Variants in ROBO2 observed in about 807,000 individuals in gnomAD.
The protein encoded by ROBO2 is roundabout homolog 2.
In ROBO2, 53 loss-of-function variants were observed where a neutral mutation model predicts 160.8. That is an observed-to-expected ratio of 0.33 (90% confidence interval 0.26 to 0.41). The LOEUF is 0.41. ROBO2 is among the 10% of genes least tolerant of loss of function. The pLI, the probability that ROBO2 is intolerant of heterozygous loss-of-function variation, is 1.00. For synonymous variants in ROBO2, 664 were observed against 611.7 expected, an observed-to-expected ratio of 1.09 and a Z score of -1.26; for missense variants, 1,577 against 1,722.4, an observed-to-expected ratio of 0.92 and a Z score of 1.49.
At chr3:75,981,926 C>CCCTTT (rs1188194216) in intron 2 of ROBO2, among the ~76,000 whole-genome samples, 1 of 151,458 alleles carries the variant, frequency 6.6e-6, no homozygotes, top group African/African-American at 2.4e-5. Context: ...AAACCCCCTA[C>CCCTTT]CCTTCCCAGC....
In ROBO2 at chr3:77,104,682, T is replaced by C. The variant is rs141547709; in HGVS notation, c.388+6342T>C. Among the ~76,000 whole-genome samples, 439 of 152,192 alleles carry C rather than the reference T, an allele frequency of 2.9e-3. 3 individuals are homozygous for C. Among genetic ancestry groups the C allele is most frequent in the African/African-American group, 0.01 (424 of 41,530 alleles). Reference sequence around the variant, plus strand: ...ATTATTAAGTGTAGATTAAATGATATTTACTGGTGCATTGAAGTAACTGTA... The same window carrying C: ...ATTATTAAGTGTAGATTAAATGATACTTACTGGTGCATTGAAGTAACTGTA... On this transcript the variant is annotated intron_variant, in intron 2 of 25. Transcript: ENST00000461745.
chr3:77,292,638 T>G (rs1031127906), intron 2 of ROBO2, among the ~76,000 whole-genome samples: 7 of 150,306 alleles, frequency 4.7e-5, no homozygotes, highest in African/African-American at 1.7e-4. Context: ...AACAGGAAGT[T>G]GAGGCTAGAA....
In ROBO2 at chr3:77,173,905, A is replaced by T. The variant is rs577808495; in HGVS notation, c.388+75565A>T. Among the ~76,000 whole-genome samples, 3 of 152,170 alleles carry T rather than the reference A, an allele frequency of 2.0e-5. No individual in the cohort carries two copies. In the South Asian group the frequency reaches 6.2e-4, roughly 31 times the overall value. ...TCAGGGAAATTGCTTTTGACTCCAA[A>T]CACCTACCATCTGGCATATCCTATC... On this transcript the variant is annotated intron_variant, in intron 2 of 25. Transcript: ENST00000461745.
intron 2 of ROBO2, among the ~76,000 whole-genome samples, chr3:76,944,967 C>T (rs1411880515): frequency 2.6e-5 from 4 of 151,892 alleles, no homozygotes; most frequent in Non-Finnish European, 4.4e-5. Flanking sequence ...CAGCTCACTG[C>T]AAACTCTGCC....
At chr3:76,759,532 C>G (rs2061178247) in intron 2 of ROBO2, among the ~76,000 whole-genome samples, 1 of 151,542 alleles carries the variant, frequency 6.6e-6, no homozygotes, top group South Asian at 2.1e-4. Context: ...CAACGTCTAG[C>G]ACATAGTTGG....
chr3:77,343,551 G>C, intron 2 of ROBO2, among the ~76,000 whole-genome samples: 1 of 152,092 alleles, frequency 6.6e-6, no homozygotes, highest in African/African-American at 2.4e-5. Context: ...TATGCAGGGG[G>C]ATACAGACTA....
At chr3:76,621,366 A>G (rs2089067100) in intron 2 of ROBO2, among the ~76,000 whole-genome samples, 1 of 152,228 alleles carries the variant, frequency 6.6e-6, no homozygotes, top group Admixed American at 6.5e-5. Flanking sequence ...CATTCAGTGC[A>G]TAACTGCATT....
intron 2 of ROBO2, among the ~76,000 whole-genome samples, chr3:76,907,823 G>GGTGTGTGTGTGTGT (rs71104638): frequency 0.093 from 13,559 of 145,316 alleles, 656 homozygotes; most frequent in South Asian, 0.15. Context: ...GTTTGTTTGG[G>GGTGTGTGTGTGTGT]GTGTGTGTGT....
rs573143361 is a variant in ROBO2, at chr3:77,599,787, TA to T, written c.2855-2415del. Among the ~76,000 whole-genome samples the T allele has an allele frequency of 1.3e-3, 199 of 151,992 alleles. No individual in the cohort carries two copies. The Middle Eastern group carries it at 0.02, about 16-fold the overall frequency. ...ATCCATATTTTATCAAAGGAAACCA[TA>T]AAAAAAATTATTTAACCATTCAAGT... On this transcript the variant is annotated intron_variant, in intron 19 of 25. Coordinates refer to ENST00000461745, the Ensembl canonical transcript of ROBO2.
At chr3:76,050,247 CT>C (rs993247085) in intron 2 of ROBO2, among the ~76,000 whole-genome samples, 14 of 152,156 alleles carry the variant, frequency 9.2e-5, no homozygotes, top group African/African-American at 2.9e-4. Context: ...GTCCTCAGGT[CT>C]CCATCTTTCT....
chr3:76,275,675 A>T (rs1438568427), intron 2 of ROBO2, among the ~76,000 whole-genome samples: 1 of 152,172 alleles, frequency 6.6e-6, no homozygotes, highest in Non-Finnish European at 1.5e-5. Flanking sequence ...CATACAATTG[A>T]ATGTTAATTA....
intron 2 of ROBO2, among the ~76,000 whole-genome samples, chr3:76,001,431 C>G (rs1297629262): frequency 6.6e-6 from 1 of 152,188 alleles, no homozygotes; most frequent in Non-Finnish European, 1.5e-5. Flanking sequence ...TGAGATCTCA[C>G]TCTTCTAAAA....
chr3:76,581,664 G>A (rs1285174191), intron 2 of ROBO2, among the ~76,000 whole-genome samples: 1 of 152,022 alleles, frequency 6.6e-6, no homozygotes, highest in Admixed American at 6.6e-5. Context: ...AGCCATGGCG[G>A]TAATGGAGAA....
chr3:75,974,889 T>C lies in ROBO2; in HGVS notation c.109+37287T>C, dbSNP rs573430114. 2.0e-4 allele frequency among the ~76,000 whole-genome samples: 30 copies of C among 151,656 alleles called. 1 individual carries two copies. Among genetic ancestry groups the C allele is most frequent in the Admixed American group, 7.9e-4 (12 of 15,178 alleles). On this transcript the variant is annotated intron_variant, in intron 2 of 26. Transcript: ENST00000487694. ...TAGTTTGTTGATCCCATGTAGAACATACAGAGATGTGTGTTTATACAGATA... is the reference window on the plus strand; with the variant it reads ...TAGTTTGTTGATCCCATGTAGAACACACAGAGATGTGTGTTTATACAGATA...
chr3:76,164,868 C>T, intron 2 of ROBO2, among the ~76,000 whole-genome samples: 1 of 34,990 alleles, frequency 2.9e-5, no homozygotes, highest in African/African-American at 5.4e-5. Flanking sequence ...CTGGGACTGC[C>T]CCGCAGGACA....
intron 2 of ROBO2, among the ~76,000 whole-genome samples, chr3:76,486,542 A>G (rs774555286): frequency 6.6e-6 from 1 of 152,176 alleles, no homozygotes; most frequent in Non-Finnish European, 1.5e-5. Context: ...TTCCAAAAAA[A>G]TGTTTACTCA....
chr3:75,976,044 G>A (rs1044055150), intron 2 of ROBO2, among the ~76,000 whole-genome samples: 3 of 151,660 alleles, frequency 2.0e-5, no homozygotes, highest in African/African-American at 7.2e-5. Flanking sequence ...CCATTGCCAG[G>A]TAATGGAGGT....
chr3:77,541,145 G>A (rs1025356438), intron 6 of ROBO2, among the ~76,000 whole-genome samples: 1 of 152,196 alleles, frequency 6.6e-6, no homozygotes, highest in African/African-American at 2.4e-5. Flanking sequence ...AAGAGTGGCT[G>A]AGCATGACTG....
chr3:76,080,611 T>C (rs1283005804), intron 2 of ROBO2, among the ~76,000 whole-genome samples: 1 of 152,202 alleles, frequency 6.6e-6, no homozygotes, highest in Non-Finnish European at 1.5e-5. Context: ...ATCATGTATG[T>C]CTGCTCACTG....
Sources: gnomAD v4.1 joint callset for allele counts (sites outside exome capture counted in the v4.1 genomes callset) on GRCh38, gnomAD v4.1.1 for gene constraint, MANE v1.5 for transcripts, NCBI Gene and HGNC (gene_info 2026-07-23, HGNC 2026-07-21) for gene names.